Variants in SHISA9 observed in about 807,000 individuals in gnomAD.
The protein encoded by SHISA9 is shisa family member 9, also known as protein shisa-9.
A neutral mutation model predicts 38.0 loss-of-function variants in SHISA9; 13 were observed. The ratio of observed to expected loss-of-function variants is 0.34; its 90% CI spans 0.22 to 0.54. The LOEUF (loss-of-function observed/expected upper bound fraction) is 0.54, where lower values mean the gene tolerates loss of function less well. SHISA9 is among the 20% of genes least tolerant of loss of function. The pLI, the probability that SHISA9 is intolerant of heterozygous loss-of-function variation, is 0.91. For missense variants in SHISA9, 538 were observed against 575.8 expected (o/e 0.93, Z 0.67); for synonymous variants, 275 against 242.0 (o/e 1.14, Z -1.27).
At chr16:13,409,480 C>T in the SHISA9 span, among the ~76,000 whole-genome samples, 3 of 152,224 alleles carry the variant, frequency 2.0e-5, no homozygotes, top group African/African-American at 7.2e-5. Flanking sequence ...GGCTCCTGCA[C>T]CTGTCCCTCT....
the SHISA9 span, among the ~76,000 whole-genome samples, chr16:13,479,587 T>C: frequency 4.6e-5 from 7 of 150,800 alleles, no homozygotes; most frequent in South Asian, 2.1e-4. Context: ...AATTAATTTA[T>C]ACATATATAT....
the SHISA9 span, among the ~76,000 whole-genome samples, chr16:13,401,004 T>C: frequency 6.6e-6 from 1 of 152,200 alleles, no homozygotes; most frequent in African/African-American, 2.4e-5. Context: ...AGCTTAAGCA[T>C]GCATCCTGGG....
chr16:13,296,062 T>C, the SHISA9 span, among the ~76,000 whole-genome samples: 5 of 152,296 alleles, frequency 3.3e-5, no homozygotes, highest in African/African-American at 1.2e-4. Context: ...TCCAAGTCCT[T>C]CTGTTAATCT....
intron 2 of SHISA9, among the ~76,000 whole-genome samples, chr16:12,948,604 C>T (rs556408799): frequency 1.4e-3 from 218 of 152,288 alleles, no homozygotes; most frequent in African/African-American, 4.7e-3. Context: ...TTCTCATACA[C>T]GGTGACTTCT....
At chr16:13,206,007 T>C (rs1193175083) in intron 3 of SHISA9, among the ~76,000 whole-genome samples, 1 of 151,898 alleles carries the variant, frequency 6.6e-6, no homozygotes, top group Non-Finnish European at 1.5e-5. Context: ...TCAAATGATT[T>C]TCCCAGCTTG....
At chr16:13,270,471 G>T in the SHISA9 span, among the ~76,000 whole-genome samples, 2 of 152,156 alleles carry the variant, frequency 1.3e-5, no homozygotes, top group African/African-American at 4.8e-5. Flanking sequence ...GAAAATGAGG[G>T]CGATAGAATG....
At chr16:13,261,932 G>A in the SHISA9 span, among the ~76,000 whole-genome samples, 1 of 152,202 alleles carries the variant, frequency 6.6e-6, no homozygotes, top group Non-Finnish European at 1.5e-5. Context: ...GAGGATATCA[G>A]TAGGCAAGAT....
intron 2 of SHISA9, among the ~76,000 whole-genome samples, chr16:12,985,815 A>T (rs774405456): frequency 2.6e-5 from 4 of 152,134 alleles, no homozygotes; most frequent in African/African-American, 4.8e-5. Flanking sequence ...TTCTCAGAGG[A>T]CTTTTCTGGA....
the SHISA9 span, among the ~76,000 whole-genome samples, chr16:13,489,363 T>C: frequency 6.6e-6 from 1 of 152,204 alleles, no homozygotes; most frequent in Non-Finnish European, 1.5e-5. Context: ...CGATGCATTC[T>C]TTAGACTTGT....
chr16:13,281,753 C>G, the SHISA9 span, among the ~76,000 whole-genome samples: 1 of 151,408 alleles, frequency 6.6e-6, no homozygotes, highest in African/African-American at 2.4e-5. Context: ...ATATTTCACA[C>G]CAATTAATGT....
the SHISA9 span, among the ~76,000 whole-genome samples, chr16:13,338,690 C>A: frequency 6.6e-6 from 1 of 152,058 alleles, no homozygotes; most frequent in Non-Finnish European, 1.5e-5. Context: ...AAGATTAGGC[C>A]CATGTTTTCT....
chr16:13,043,697 C>T (rs1285384549), intron 2 of SHISA9, among the ~76,000 whole-genome samples: 1 of 152,188 alleles, frequency 6.6e-6, no homozygotes, highest in Non-Finnish European at 1.5e-5. Flanking sequence ...GCTCAGTAGT[C>T]CAGAGCCATG....
At chr16:13,134,166 T>C (rs973925529) in intron 2 of SHISA9, among the ~76,000 whole-genome samples, 2 of 152,230 alleles carry the variant, frequency 1.3e-5, no homozygotes, top group African/African-American at 4.8e-5. Context: ...TGCCTGGGTC[T>C]ATTACTGCCA....
chr16:13,367,740 A>ACACG, the SHISA9 span, among the ~76,000 whole-genome samples: 2 of 149,578 alleles, frequency 1.3e-5, no homozygotes, highest in Non-Finnish European at 3.0e-5. Flanking sequence ...ACACACACAC[A>ACACG]CACACACACC....
At chr16:13,330,133 C>T in the SHISA9 span, among the ~76,000 whole-genome samples, 1 of 152,216 alleles carries the variant, frequency 6.6e-6, no homozygotes, top group Non-Finnish European at 1.5e-5. Flanking sequence ...GCCGAGGGGC[C>T]ATTCCAGTGG....
chr16:13,028,461 C>T (rs1206593952), intron 2 of SHISA9, among the ~76,000 whole-genome samples: 2 of 152,100 alleles, frequency 1.3e-5, no homozygotes, highest in Non-Finnish European at 2.9e-5. Context: ...AAAGACACGT[C>T]TTACATGGTG....
the SHISA9 span, among the ~76,000 whole-genome samples, chr16:13,343,863 A>G: frequency 0.16 from 23,650 of 152,170 alleles, 1,944 homozygotes; most frequent in Non-Finnish European, 0.18. Context: ...TGGGTCCTCC[A>G]AGAAACCCCA....
chr16:12,909,433 A>T (rs2071150403), intron 1 of SHISA9: 1 of 985,344 alleles, frequency 1.0e-6, no homozygotes, highest in Admixed American at 6.1e-5. Flanking sequence ...TAGATTGGAC[A>T]TTGGGATACC....
At chr16:13,556,336 A>G in the SHISA9 span, among the ~76,000 whole-genome samples, 3 of 152,168 alleles carry the variant, frequency 2.0e-5, no homozygotes, top group South Asian at 6.2e-4. Context: ...TTGGAATTTG[A>G]ACACAGTCTG....
Sources: allele counts gnomAD v4.1 joint callset (sites outside exome capture counted in the v4.1 genomes callset), GRCh38; gene constraint gnomAD v4.1.1; transcripts MANE v1.5; gene names NCBI Gene and HGNC (gene_info 2026-07-23, HGNC 2026-07-21).